NDST4: variants seen among roughly 807,000 people sequenced by gnomAD.
The protein encoded by NDST4 is N-heparan sulfate sulfotransferase 4.
NDST4 carries 63 observed loss-of-function variants against 100.8 expected under a neutral mutation model. That is an observed-to-expected ratio of 0.62 (90% CI 0.51 to 0.77). The LOEUF (loss-of-function observed/expected upper bound fraction) is 0.77. NDST4 is among the 30% of genes least tolerant of loss of function. The probability of loss-of-function intolerance (pLI) is 0.00; values close to 1 mark genes in which losing one functional copy is unlikely to be tolerated. For synonymous variants in NDST4, 377 were observed against 361.8 expected, an observed-to-expected ratio of 1.04 and a Z score of -0.48; for missense variants, 943 against 1,018.4, an observed-to-expected ratio of 0.93 and a Z score of 1.01.
At chr4:115,056,533 T>A (rs1050607982) in intron 2 of NDST4, among the ~76,000 whole-genome samples, 2 of 152,070 alleles carry the variant, frequency 1.3e-5, no homozygotes, top group Admixed American at 6.6e-5. Context: ...GATTTGTAAT[T>A]TCATAAAGCA....
chr4:115,031,902 A>G (rs1728124662), intron 2 of NDST4, among the ~76,000 whole-genome samples: 1 of 152,078 alleles, frequency 6.6e-6, no homozygotes. Context: ...ACATTCTGTT[A>G]TATTTGTTAT....
intron 2 of NDST4, among the ~76,000 whole-genome samples, chr4:115,022,149 G>A (rs1341073013): frequency 7.0e-6 from 1 of 143,524 alleles, no homozygotes; most frequent in African/African-American, 2.8e-5. Context: ...GTCTATGCAC[G>A]TTCCATATAT....
chr4:114,828,757 C>T (rs1160797074), intron 13 of NDST4, among the ~76,000 whole-genome samples: 1 of 152,054 alleles, frequency 6.6e-6, no homozygotes, highest in East Asian at 1.9e-4. Flanking sequence ...AACAATGCCT[C>T]CTTCATTGTT....
intron 7 of NDST4, among the ~76,000 whole-genome samples, chr4:114,864,797 T>C (rs1261973525): frequency 1.3e-5 from 2 of 152,126 alleles, no homozygotes; most frequent in Admixed American, 6.6e-5. Context: ...TACCCTGAAT[T>C]TCAAAGGTTT....
At chr4:115,089,079 A>G (rs1437681656) in intron 1 of NDST4, among the ~76,000 whole-genome samples, 1 of 152,074 alleles carries the variant, frequency 6.6e-6, no homozygotes, top group Non-Finnish European at 1.5e-5. Flanking sequence ...CAAAACAACA[A>G]TAACCATATT....
intron 10 of NDST4, among the ~76,000 whole-genome samples, chr4:114,842,482 A>C (rs2126184527): frequency 6.6e-6 from 1 of 152,102 alleles, no homozygotes; most frequent in African/African-American, 2.4e-5. Context: ...AAAAGAAAAA[A>C]AAGAAAAACG....
intron 6 of NDST4, among the ~76,000 whole-genome samples, chr4:114,930,631 T>A (rs1369484462): frequency 6.6e-6 from 1 of 152,164 alleles, no homozygotes; most frequent in Admixed American, 6.5e-5. Context: ...TGACAGTGTA[T>A]CTTTTTCTTA....
chr4:115,041,961 T>C (rs1425172253), intron 2 of NDST4, among the ~76,000 whole-genome samples: 5 of 152,130 alleles, frequency 3.3e-5, no homozygotes, highest in African/African-American at 1.2e-4. Context: ...CAAATGTTCA[T>C]CATATGCCAA....
At chr4:115,011,764 A>G (rs574923195) in intron 2 of NDST4, among the ~76,000 whole-genome samples, 4 of 152,114 alleles carry the variant, frequency 2.6e-5, no homozygotes, top group African/African-American at 7.2e-5. Flanking sequence ...TCAAGATAAA[A>G]TAACTCAATT....
chr4:114,874,026 C>T (rs372516112), intron 6 of NDST4, among the ~76,000 whole-genome samples: 3 of 152,092 alleles, frequency 2.0e-5, no homozygotes, highest in East Asian at 3.9e-4. Flanking sequence ...GTATAACCAG[C>T]ATCACTATTC....
At chr4:115,086,647 G>A (rs13104877) in intron 1 of NDST4, among the ~76,000 whole-genome samples, 56,326 of 151,760 alleles carry the variant, frequency 0.37, 11,866 homozygotes, top group Non-Finnish European at 0.49. Flanking sequence ...AGATTATGAA[G>A]TCAACTCAGT....
intron 1 of NDST4, among the ~76,000 whole-genome samples, chr4:115,088,845 GC>G (rs1458967870): frequency 6.6e-6 from 1 of 151,920 alleles, no homozygotes; most frequent in Non-Finnish European, 1.5e-5. Context: ...GAAAGATTCA[GC>G]TTGGATAAAA....
At chr4:114,828,226 A>G (rs897606026) in intron 13 of NDST4, among the ~76,000 whole-genome samples, 4 of 152,138 alleles carry the variant, frequency 2.6e-5, no homozygotes, top group Non-Finnish European at 5.9e-5. Context: ...AAACGATGAC[A>G]GGAGTGTAAT....
intron 6 of NDST4, among the ~76,000 whole-genome samples, chr4:114,910,582 T>A (rs1725043512): frequency 6.6e-6 from 1 of 152,210 alleles, no homozygotes; most frequent in Non-Finnish European, 1.5e-5. Context: ...ATGTGTTCTT[T>A]TTCTCTGCAG....
At chr4:115,100,262 C>T (rs976379055) in intron 1 of NDST4, among the ~76,000 whole-genome samples, 17 of 151,982 alleles carry the variant, frequency 1.1e-4, no homozygotes, top group South Asian at 4.2e-4. Context: ...AAAGTAATGA[C>T]AATACAACAT....
chr4:115,063,763 T>C (rs895296528), intron 2 of NDST4, among the ~76,000 whole-genome samples: 1 of 151,974 alleles, frequency 6.6e-6, no homozygotes, highest in Non-Finnish European at 1.5e-5. Context: ...AACCACAAGA[T>C]TTAAGGACTC....
intron 1 of NDST4, among the ~76,000 whole-genome samples, chr4:115,083,696 T>G (rs1252852961): frequency 6.6e-6 from 1 of 152,050 alleles, no homozygotes; most frequent in South Asian, 2.1e-4. Context: ...GTTATCTCCA[T>G]GCTGTTCTTG....
chr4:114,839,386 T>C lies in NDST4; in HGVS notation c.2278A>G (p.Thr760Ala). 6.2e-7 allele frequency: 1 copy of C among 1,610,028 alleles called. No homozygotes were observed. Among genetic ancestry groups the C allele is most frequent in the Non-Finnish European group, 8.5e-7 (1 of 1,177,662 alleles). ...TAATTTCAGGACATTACCTGAGAAG[T>C]AGCAAAGTAAGTTAGCCATCTTTCT... ...HIERWLTYFA[T>A]SQLLIIDGQQ... is the part of the protein sequence containing the mutation. The change falls in exon 11 of 14, where the codon ACT (threonine) becomes GCT (alanine). Residue 760 changes from threonine (T) to alanine (A), a missense_variant. Physicochemically the swap from Thr to Ala is moderately conservative, Grantham distance 58. Around this residue, in one of 2 missense-constraint regions of NDST4, gnomAD observed 526 missense variants for 634.1 expected, o/e 0.83. Transcript: ENST00000264363.
At chr4:114,837,359 G>T (rs932198682) in intron 11 of NDST4, among the ~76,000 whole-genome samples, 1 of 151,940 alleles carries the variant, frequency 6.6e-6, no homozygotes, top group Admixed American at 6.6e-5. Flanking sequence ...AAAAGAGCCC[G>T]TATAGCCAAG....
Sources: gnomAD v4.1 joint callset for allele counts (sites outside exome capture counted in the v4.1 genomes callset) on GRCh38, gnomAD v4.1.1 for gene constraint, gnomAD v4.1.1 regional missense constraint, MANE v1.5 for transcripts, NCBI Gene and HGNC (gene_info 2026-07-23, HGNC 2026-07-21) for gene names.